The following DAB1 variants were observed in gnomAD, a reference collection of about 807,000 sequenced individuals.
DAB1 encodes DAB adaptor protein 1.
A neutral mutation model predicts 64.6 loss-of-function variants in DAB1; 15 were observed. The ratio of observed to expected loss-of-function variants is 0.23; its 90% CI spans 0.16 to 0.36. The LOEUF is 0.36. DAB1 is among the 10% of genes least tolerant of loss of function. The pLI, the probability that DAB1 is intolerant of heterozygous loss-of-function variation, is 1.00. For missense variants in DAB1, 596 were observed against 706.7 expected (o/e 0.84, Z 1.78); for synonymous variants, 235 against 251.9 (o/e 0.93, Z 0.64).
At chr1:58,232,289 G>C (rs1659813205) in intron 4 of DAB1, among the ~76,000 whole-genome samples, 1 of 152,164 alleles carries the variant, frequency 6.6e-6, no homozygotes, top group Non-Finnish European at 1.5e-5. Context: ...AACTTGGATG[G>C]AACTGCCCAT....
At chr1:58,542,068 A>T (rs1304875559) in intron 1 of DAB1, among the ~76,000 whole-genome samples, 3 of 152,194 alleles carry the variant, frequency 2.0e-5, no homozygotes, top group Non-Finnish European at 4.4e-5. Context: ...AAATTACTCA[A>T]ATTTATTTTT....
intron 5 of DAB1, among the ~76,000 whole-genome samples, chr1:57,929,017 C>T (rs894577471): frequency 3.3e-5 from 5 of 152,148 alleles, no homozygotes; most frequent in Admixed American, 2.0e-4. Context: ...AACTGCCAAG[C>T]GGGCTTCCAA....
intron 7 of DAB1, among the ~76,000 whole-genome samples, chr1:57,610,643 C>A (rs1314351419): frequency 6.6e-6 from 1 of 152,134 alleles, no homozygotes; most frequent in African/African-American, 2.4e-5. Flanking sequence ...AGGAAACTTA[C>A]AATCATGGCA....
intron 2 of DAB1, among the ~76,000 whole-genome samples, chr1:57,190,138 C>A (rs908364919): frequency 3.9e-5 from 6 of 152,132 alleles, no homozygotes; most frequent in African/African-American, 1.4e-4. Flanking sequence ...TTGCTGAACC[C>A]CACACCCAGA....
At chr1:57,783,420 C>T (rs570640377) in intron 6 of DAB1, among the ~76,000 whole-genome samples, 4 of 152,262 alleles carry the variant, frequency 2.6e-5, no homozygotes, top group Non-Finnish European at 5.9e-5. Context: ...TTTTCTATGT[C>T]AGTCTGTGCA....
intron 4 of DAB1, among the ~76,000 whole-genome samples, chr1:58,155,775 GC>G (rs1295516560): frequency 6.6e-6 from 1 of 152,226 alleles, no homozygotes; most frequent in Admixed American, 6.5e-5. Flanking sequence ...CTGGCACGTT[GC>G]AGGTGATGAG....
At chr1:57,311,853 A>G (rs1570245296) in intron 1 of DAB1, among the ~76,000 whole-genome samples, 1 of 152,250 alleles carries the variant, frequency 6.6e-6, no homozygotes, top group Non-Finnish European at 1.5e-5. Context: ...GGCAATAAAC[A>G]TGATGATGGT....
At chr1:58,229,260 T>C (rs568294361) in intron 4 of DAB1, among the ~76,000 whole-genome samples, 1 of 152,348 alleles carries the variant, frequency 6.6e-6, no homozygotes, top group East Asian at 1.9e-4. Flanking sequence ...TGAGCCACCA[T>C]GCTTGGCCTA....
intron 5 of DAB1, among the ~76,000 whole-genome samples, chr1:57,995,565 C>T (rs1646411808): frequency 6.6e-6 from 1 of 152,168 alleles, no homozygotes; most frequent in African/African-American, 2.4e-5. Context: ...TAAAATATTG[C>T]TGTCATTAAT....
Position 57,015,253 on chromosome 1 carries a change from G to T in DAB1, c.1074C>A (p.Ala358=). ...PATQQPWPTV[A]GQFPPAAFMP... ...TGAAGGCGGCTGGCGGAAACTGCCC[G>T]GCCACAGTTGGCCAGGGCTGCTGAG... The change falls in exon 12 of 15, where the codon GCC becomes GCA. Residue 358 remains alanine, a synonymous_variant. Transcript: ENST00000371236. The T allele has an allele frequency of 6.2e-7, 1 of 1,614,070 alleles. No homozygotes were observed. The highest frequency in any genetic ancestry group is 8.5e-7 in the Non-Finnish European group (1 of 1,180,012).
intron 1 of DAB1, chr1:58,536,567 T>G (rs554597505): frequency 4.6e-6 from 4 of 872,876 alleles, no homozygotes; most frequent in African/African-American, 1.6e-5. Context: ...CCAATAATAG[T>G]AGCTTGCTCC....
At chr1:57,697,607 G>C (rs1231770964) in intron 6 of DAB1, among the ~76,000 whole-genome samples, 1 of 152,086 alleles carries the variant, frequency 6.6e-6, no homozygotes, top group Non-Finnish European at 1.5e-5. Context: ...AGATAATACA[G>C]ACTTACTGAA....
chr1:58,237,606 T>C (rs1036384006), intron 4 of DAB1, among the ~76,000 whole-genome samples: 5 of 152,122 alleles, frequency 3.3e-5, no homozygotes, highest in Non-Finnish European at 1.5e-5. Context: ...GTTCATAAAA[T>C]CCTGGTGACA....
intron 5 of DAB1, among the ~76,000 whole-genome samples, chr1:57,934,613 C>T (rs548058423): frequency 2.0e-5 from 3 of 152,286 alleles, no homozygotes; most frequent in African/African-American, 7.2e-5. Context: ...TTCTCTAAAA[C>T]TCTGTTGTCC....
At chr1:57,128,986 C>T (rs1055533134) in intron 4 of DAB1, among the ~76,000 whole-genome samples, 1 of 152,160 alleles carries the variant, frequency 6.6e-6, no homozygotes, top group Non-Finnish European at 1.5e-5. Flanking sequence ...TGCTTAACCC[C>T]TTGGGTCTCA....
At chr1:57,501,057 T>A (rs752008633) in intron 7 of DAB1, among the ~76,000 whole-genome samples, 2 of 152,240 alleles carry the variant, frequency 1.3e-5, no homozygotes, top group African/African-American at 2.4e-5. Context: ...TAATGTGACT[T>A]TGATGCTCTT....
chr1:57,059,344 C>G (rs1650150057), intron 9 of DAB1, among the ~76,000 whole-genome samples: 2 of 152,154 alleles, frequency 1.3e-5, no homozygotes, highest in South Asian at 4.1e-4. Context: ...AGGCTCTGTG[C>G]AGACCTAAAC....
At chr1:57,637,858 A>T (rs573465938) in intron 7 of DAB1, among the ~76,000 whole-genome samples, 2 of 152,342 alleles carry the variant, frequency 1.3e-5, no homozygotes, top group East Asian at 3.9e-4. Flanking sequence ...AAAACTTGCA[A>T]GGAAACTAGT....
chr1:57,695,289 G>A (rs796706507), intron 6 of DAB1, among the ~76,000 whole-genome samples: 2,127 of 65,564 alleles, frequency 0.032, 594 homozygotes, highest in African/African-American at 0.083. Flanking sequence ...AGGAAGAAAG[G>A]GAGAGAGAAG....
Sources: gnomAD v4.1 joint callset for allele counts (sites outside exome capture counted in the v4.1 genomes callset) on GRCh38, gnomAD v4.1.1 for gene constraint, MANE v1.5 for transcripts, NCBI Gene and HGNC (gene_info 2026-07-23, HGNC 2026-07-21) for gene names.